The following AIG1 variants were observed in gnomAD, a reference collection of about 807,000 sequenced individuals.
AIG1 encodes androgen-induced gene 1 protein.
AIG1 carries 23 observed loss-of-function variants against 31.4 expected under a neutral mutation model. That is an observed-to-expected ratio of 0.73 (90% CI 0.53 to 1.04). The LOEUF (loss-of-function observed/expected upper bound fraction) is 1.04, where lower values mean the gene tolerates loss of function less well. Ranked by LOEUF, AIG1 falls within the 50% of genes least tolerant of loss-of-function variation. The pLI, the probability that AIG1 is intolerant of heterozygous loss-of-function variation, is 0.00. For missense variants in AIG1, 274 were observed against 295.0 expected (o/e 0.93, Z 0.52); for synonymous variants, 100 against 110.5 (o/e 0.90, Z 0.60).
intron 2 of AIG1, among the ~76,000 whole-genome samples, chr6:143,153,123 G>A (rs568115287): frequency 6.6e-6 from 1 of 152,228 alleles, no homozygotes; most frequent in South Asian, 2.1e-4. Context: ...TTCTGGGGAA[G>A]GATTTCCACC....
At chr6:143,183,170 T>C (rs1788891552) in intron 3 of AIG1, among the ~76,000 whole-genome samples, 1 of 151,496 alleles carries the variant, frequency 6.6e-6, no homozygotes, top group South Asian at 2.1e-4. Context: ...AGTTATTCTC[T>C]CTCTAAGGAA....
chr6:143,314,608 A>T (rs1437159835), intron 4 of AIG1, among the ~76,000 whole-genome samples: 3 of 152,174 alleles, frequency 2.0e-5, no homozygotes, highest in Non-Finnish European at 4.4e-5. Flanking sequence ...ATCTAATAAA[A>T]TATGCACAGG....
chr6:143,245,761 T>G (rs980112441), intron 3 of AIG1, among the ~76,000 whole-genome samples: 3 of 152,174 alleles, frequency 2.0e-5, no homozygotes, highest in African/African-American at 7.2e-5. Context: ...CTTGGGAGCC[T>G]GCAAACATCA....
chr6:143,065,687 AT>A (rs1448991775), intron 1 of AIG1, among the ~76,000 whole-genome samples: 1 of 152,236 alleles, frequency 6.6e-6, no homozygotes, highest in Non-Finnish European at 1.5e-5. Context: ...TTCATTGAGT[AT>A]TCTTTTCTTG....
chr6:143,342,310 G>A, downstream of AIG1: 1 of 680,734 alleles, frequency 1.5e-6, no homozygotes, highest in South Asian at 1.5e-5. Context: ...CCCCTGGTGC[G>A]CAGCAGCAGC....
intron 1 of AIG1, among the ~76,000 whole-genome samples, chr6:143,075,734 A>C (rs908899205): frequency 1.3e-5 from 2 of 152,138 alleles, no homozygotes; most frequent in Admixed American, 1.3e-4. Flanking sequence ...TTTCCTATAT[A>C]AGCATTCGAT....
chr6:143,106,111 G>T (rs1482366255), intron 1 of AIG1, among the ~76,000 whole-genome samples: 3 of 152,166 alleles, frequency 2.0e-5, no homozygotes, highest in Non-Finnish European at 2.9e-5. Context: ...TTTAGGTGAG[G>T]TCATCCTGGA....
chr6:143,123,694 A>G (rs1454897997), intron 1 of AIG1, among the ~76,000 whole-genome samples: 2 of 152,084 alleles, frequency 1.3e-5, no homozygotes, highest in African/African-American at 4.8e-5. Flanking sequence ...GAGTCTGTAC[A>G]TATTTGGGCT....
chr6:143,317,034 A>C (rs772343646), intron 4 of AIG1, among the ~76,000 whole-genome samples: 1 of 152,122 alleles, frequency 6.6e-6, no homozygotes, highest in African/African-American at 2.4e-5. Flanking sequence ...CAACAAAAAA[A>C]AAAATCCAGG....
chr6:143,164,432 A>G (rs1371788912), intron 2 of AIG1, among the ~76,000 whole-genome samples: 2 of 152,196 alleles, frequency 1.3e-5, no homozygotes, highest in African/African-American at 4.8e-5. Flanking sequence ...GGCCAAAACA[A>G]ACCTTTGGAA....
chr6:143,261,384 G>C (rs1472403656), intron 3 of AIG1, among the ~76,000 whole-genome samples: 1 of 152,042 alleles, frequency 6.6e-6, no homozygotes, highest in South Asian at 2.1e-4. Flanking sequence ...CACCCGCCTC[G>C]GCCTCTCAAA....
At chr6:143,098,479 G>A (rs1373566993) in intron 1 of AIG1, among the ~76,000 whole-genome samples, 1 of 152,084 alleles carries the variant, frequency 6.6e-6, no homozygotes, top group Non-Finnish European at 1.5e-5. Flanking sequence ...TTGAATTCCT[G>A]AGAAATCAGT....
chr6:143,278,803 T>TA (rs1454960998), intron 3 of AIG1, among the ~76,000 whole-genome samples: 4 of 152,304 alleles, frequency 2.6e-5, no homozygotes, highest in Middle Eastern at 3.4e-3. Flanking sequence ...CCTCTATACT[T>TA]ACTAATGTCC....
chr6:143,097,160 G>A (rs1001238251), intron 1 of AIG1, among the ~76,000 whole-genome samples: 6 of 145,560 alleles, frequency 4.1e-5, no homozygotes, highest in African/African-American at 1.5e-4. Flanking sequence ...GAAGTTTTTT[G>A]TTTTTTTTTT....
intron 3 of AIG1, among the ~76,000 whole-genome samples, chr6:143,238,161 G>A (rs887532432): frequency 1.3e-5 from 2 of 152,060 alleles, no homozygotes; most frequent in Non-Finnish European, 2.9e-5. Context: ...GGCTGGTCTC[G>A]AACTCCTGAC....
intron 1 of AIG1, among the ~76,000 whole-genome samples, chr6:143,135,531 A>G (rs2128519785): frequency 6.6e-6 from 1 of 152,238 alleles, no homozygotes; most frequent in Middle Eastern, 3.4e-3. Flanking sequence ...TTCTGGCTGC[A>G]GAAAGAATGA....
chr6:143,285,225 A>T (rs984670471), intron 4 of AIG1, among the ~76,000 whole-genome samples: 12 of 151,842 alleles, frequency 7.9e-5, no homozygotes, highest in African/African-American at 2.4e-4. Context: ...CAATCACATG[A>T]TGCCCCAAAT....
chr6:143,330,464 A>G lies in AIG1; in HGVS notation c.516-2818A>G, dbSNP rs1431569077. Among the ~76,000 whole-genome samples, 3 of 152,162 alleles carry G rather than the reference A, an allele frequency of 2.0e-5. No homozygotes were observed. The highest frequency in any genetic ancestry group is 7.2e-5 in the African/African-American group (3 of 41,446). ...GGGAATAATACAAAAGCCTGGAGGCAGAGAGAGCTTAGAGTGTTCGAGGAA... is the reference window on the plus strand; with the variant it reads ...GGGAATAATACAAAAGCCTGGAGGCGGAGAGAGCTTAGAGTGTTCGAGGAA... On this transcript the variant is annotated intron_variant, in intron 4 of 5. Transcript: ENST00000357847. This position sits in a 1 kb window ranked among gnomAD's most constrained non-coding sequence, Gnocchi z 4.4.
At chr6:143,156,332 TGGA>T (rs146038121) in intron 2 of AIG1, among the ~76,000 whole-genome samples, 69,429 of 151,450 alleles carry the variant, frequency 0.46, 16,339 homozygotes, top group Admixed American at 0.61. Flanking sequence ...TTAAGAACCA[TGGA>T]GTATCTTCTT....
Sources: gnomAD v4.1 joint callset for allele counts (sites outside exome capture counted in the v4.1 genomes callset) on GRCh38, gnomAD v4.1.1 for gene constraint, Gnocchi (gnomAD v3.1) non-coding constraint, MANE v1.5 for transcripts, NCBI Gene and HGNC (gene_info 2026-07-23, HGNC 2026-07-21) for gene names.